IGFBP7: variants seen among roughly 807,000 people sequenced by gnomAD.
IGFBP7 encodes the protein insulin like growth factor binding protein 7, also known as insulin-like growth factor-binding protein 7.
A neutral mutation model predicts 29.4 loss-of-function variants in IGFBP7; 31 were observed. The ratio of observed to expected loss-of-function variants is 1.05; its 90% confidence interval spans 0.79 to 1.42. IGFBP7 has a LOEUF of 1.42. Among genes scored for constraint, IGFBP7 ranks in the 40% most tolerant of loss-of-function variants. The pLI is 0.00. For synonymous variants in IGFBP7, 172 were observed against 174.9 expected (o/e 0.98, Z 0.13); for missense variants, 393 against 395.5 (o/e 0.99, Z 0.05).
At chr4:57,039,323 T>A (rs1724162314) in intron 2 of IGFBP7, among the ~76,000 whole-genome samples, 1 of 152,200 alleles carries the variant, frequency 6.6e-6, no homozygotes, top group African/African-American at 2.4e-5. Flanking sequence ...ATCTTTATGA[T>A]AATTACATGC....
chr4:57,048,082 T>C (rs559616314), intron 1 of IGFBP7, among the ~76,000 whole-genome samples: 218 of 149,558 alleles, frequency 1.5e-3, no homozygotes, highest in African/African-American at 5.2e-3. Flanking sequence ...GACGGAGTCT[T>C]GCTCTGTCGC....
intron 1 of IGFBP7, chr4:57,072,753 C>T (rs918762016): frequency 2.0e-5 from 10 of 503,470 alleles, no homozygotes; most frequent in African/African-American, 1.8e-4. Flanking sequence ...TCTGCCTTGC[C>T]TGAATCAGGC....
chr4:57,094,262 G>A (rs1190671448), intron 1 of IGFBP7, among the ~76,000 whole-genome samples: 2 of 152,146 alleles, frequency 1.3e-5, no homozygotes, highest in Admixed American at 6.5e-5. Context: ...GAGGATCCAA[G>A]TAACCTTGTG....
At chr4:57,051,292 G>A (rs1003039033) in intron 1 of IGFBP7, among the ~76,000 whole-genome samples, 2 of 152,182 alleles carry the variant, frequency 1.3e-5, no homozygotes, top group East Asian at 3.9e-4. Context: ...ACTTCCAGAG[G>A]CGGGATGATG....
intron 1 of IGFBP7, among the ~76,000 whole-genome samples, chr4:57,081,412 C>A (rs1433968071): frequency 2.6e-5 from 4 of 152,040 alleles, no homozygotes; most frequent in African/African-American, 4.8e-5. Flanking sequence ...CACCATAGAC[C>A]ACATATTTTC....
chr4:57,059,215 T>C (rs921389730), intron 1 of IGFBP7, among the ~76,000 whole-genome samples: 10 of 152,128 alleles, frequency 6.6e-5, no homozygotes, highest in Non-Finnish European at 1.2e-4. Context: ...AAAACAGAAC[T>C]ACCATTTGAT....
chr4:57,069,279 G>A (rs71601675), intron 1 of IGFBP7, among the ~76,000 whole-genome samples: 11,639 of 152,152 alleles, frequency 0.076, 558 homozygotes, highest in African/African-American at 0.13. Flanking sequence ...GCTGGAGGGA[G>A]CAGAAAAGAG....
At chr4:57,047,399 G>A (rs1315420220) in intron 1 of IGFBP7, among the ~76,000 whole-genome samples, 2 of 152,120 alleles carry the variant, frequency 1.3e-5, no homozygotes, top group African/African-American at 4.8e-5. Flanking sequence ...AAGTTACTCA[G>A]TCTCGGGTAT....
At chr4:57,032,393 CATTTTT>C in intron 4 of IGFBP7, 27 bp downstream of exon 4, 1 of 1,611,162 alleles carries the variant, frequency 6.2e-7, no homozygotes, top group Non-Finnish European at 8.5e-7. Flanking sequence ...ATGTACTAGT[CATTTTT>C]AAATGGCTGT....
At chr4:57,074,483 A>AG (rs1333038018) in intron 1 of IGFBP7, among the ~76,000 whole-genome samples, 1 of 152,192 alleles carries the variant, frequency 6.6e-6, no homozygotes, top group Non-Finnish European at 1.5e-5. Flanking sequence ...CTTCCCATTC[A>AG]GGGGAGTGTG....
At position 57,073,032 on chromosome 4, in the gene IGFBP7, C is replaced by T. The variant is rs368231512; in HGVS notation, c.476-32099G>A. Reference sequence around the variant, plus strand: ...CGAGGCAAACCCAACATTGATAGCTCGTTGAACAGGCATGCTGCCAAGCTC... The same window carrying T: ...CGAGGCAAACCCAACATTGATAGCTTGTTGAACAGGCATGCTGCCAAGCTC... On this transcript the variant is annotated intron_variant, in intron 1 of 4. Transcript: ENST00000295666. 4.4e-5 allele frequency: 53 copies of T among 1,216,304 alleles called. 1 individual carries two copies. The highest frequency in any genetic ancestry group is 2.2e-4 in the Middle Eastern group (1 of 4,534). 75.3% of individuals were successfully genotyped at this position (1,216,304 alleles called of 1,614,324 possible).
chr4:57,088,755 A>G (rs7685467), intron 1 of IGFBP7, among the ~76,000 whole-genome samples: 88,771 of 151,858 alleles, frequency 0.58, 28,176 homozygotes, highest in Admixed American at 0.73. Flanking sequence ...CTGGCTGGGC[A>G]CGGTGGCTCA....
At chr4:57,035,360 CAT>C (rs776855993) in intron 2 of IGFBP7, among the ~76,000 whole-genome samples, 9 of 152,052 alleles carry the variant, frequency 5.9e-5, no homozygotes, top group Non-Finnish European at 1.0e-4. Flanking sequence ...ATGTAGAAAA[CAT>C]AGAAAAAAGT....
chr4:57,044,738 T>C (rs1455060662), intron 1 of IGFBP7, among the ~76,000 whole-genome samples: 2 of 152,254 alleles, frequency 1.3e-5, no homozygotes. Context: ...TTTGCACCAA[T>C]AACTATGGCA....
intron 1 of IGFBP7, 148 bp downstream of exon 1, chr4:57,109,729 A>C (rs1726125394): frequency 4.1e-6 from 4 of 986,386 alleles, no homozygotes; most frequent in Non-Finnish European, 5.6e-6. Flanking sequence ...CGCGGCTGCC[A>C]ACTCTTTCCC....
chr4:57,070,968 T>C (rs1714020), intron 1 of IGFBP7, among the ~76,000 whole-genome samples: 113,480 of 152,172 alleles, frequency 0.75, 42,700 homozygotes, highest in Admixed American at 0.83. Context: ...CATTTGAAGA[T>C]GGGTTCTCCC....
chr4:57,092,492 C>A (rs1192409703), intron 1 of IGFBP7, among the ~76,000 whole-genome samples: 1 of 152,018 alleles, frequency 6.6e-6, no homozygotes, highest in Non-Finnish European at 1.5e-5. Flanking sequence ...TCTCAATGGT[C>A]TCTATGCCAT....
rs1285909791 is a variant in IGFBP7, at chr4:57,033,063, GTAAGGC to G, written c.702+126_702+131del. ...CTGAAAGAGGAGCAGCGACTCCATG[GTAAGGC>G]TATTCCAAACAGATGTGGAAGAGCA... On this transcript the variant is annotated intron_variant, in intron 3 of 4. Transcript: ENST00000295666. 1.3e-5 allele frequency: 10 copies of G among 768,084 alleles called. No homozygotes were observed. The African/African-American group carries it at 1.5e-4, about 12-fold the overall frequency. The allele number at this position is 768,084 out of a possible 1,614,324, so 47.6% of individuals were successfully genotyped here. A position where few individuals can be genotyped will look rare whatever the true frequency, so the allele number is the denominator to read the frequency against.
intron 1 of IGFBP7, among the ~76,000 whole-genome samples, chr4:57,083,089 A>G (rs1725410243): frequency 6.6e-6 from 1 of 152,224 alleles, no homozygotes; most frequent in Non-Finnish European, 1.5e-5. Context: ...TCTTCTATAT[A>G]CAAACTATGA....
Sources: allele counts gnomAD v4.1 joint callset (sites outside exome capture counted in the v4.1 genomes callset), GRCh38; gene constraint gnomAD v4.1.1; transcripts MANE v1.5; gene names NCBI Gene and HGNC (gene_info 2026-07-23, HGNC 2026-07-21).